The following TRPM2 variants were observed in gnomAD, a reference collection of about 807,000 sequenced individuals.
TRPM2 encodes the protein estrogen-responsive element-associated gene 1 protein.
A neutral mutation model predicts 174.0 loss-of-function variants in TRPM2; 161 were observed. That is an observed-to-expected ratio of 0.93 (90% CI 0.81 to 1.05). The LOEUF (loss-of-function observed/expected upper bound fraction) is 1.05, where lower values mean the gene tolerates loss of function less well. Ranked by LOEUF, TRPM2 falls within the 50% of genes least tolerant of loss-of-function variation. The pLI is 0.00. For synonymous variants in TRPM2, 954 were observed against 861.3 expected, an observed-to-expected ratio of 1.11 and a Z score of -1.88; for missense variants, 2,057 against 2,038.0, an observed-to-expected ratio of 1.01 and a Z score of -0.18.
At chr21:44,429,278 C>CTTTTTTTTTTTTTTTTTTTTTTTTTTTTT (rs35708355) in intron 27 of TRPM2, among the ~76,000 whole-genome samples, 4 of 44,196 alleles carry the variant, frequency 9.1e-5, no homozygotes, top group Admixed American at 3.1e-4. Flanking sequence ...TTTTCTTTTT[C>CTTTTTTTTTTTTTTTTTTTTTTTTTTTTT]TTTTTTTTTT....
chr21:44,433,426 C>T (rs1054535297), intron 27 of TRPM2, among the ~76,000 whole-genome samples: 1 of 152,266 alleles, frequency 6.6e-6, no homozygotes, highest in Non-Finnish European at 1.5e-5. Flanking sequence ...GAGCTCAGTG[C>T]AGCTCTGCCC....
intron 13 of TRPM2, among the ~76,000 whole-genome samples, chr21:44,398,990 T>C (rs1338131675): frequency 6.6e-6 from 1 of 152,168 alleles, no homozygotes; most frequent in African/African-American, 2.4e-5. Flanking sequence ...GTGTGGCCTA[T>C]GCCCAGGAAT....
rs1480847095 is a variant in TRPM2, at chr21:44,376,818, C to A, written c.952+805C>A. ...CGAACTCCCCTGGAGGGTTCCTCAC[C>A]AGCTTGTGGGCCCCAGCCCCAGGGT... On this transcript the variant is annotated intron_variant, in intron 6 of 31. Coordinates refer to ENST00000397928, the MANE Select transcript of TRPM2 (RefSeq NM_003307.4). This position sits in a 1 kb window ranked among gnomAD's most constrained non-coding sequence, Gnocchi z 4.2. Among the ~76,000 whole-genome samples the A allele has an allele frequency of 6.6e-6, 1 of 152,200 alleles. No homozygotes were observed. The highest frequency in any genetic ancestry group is 1.5e-5 in the Non-Finnish European group (1 of 68,038).
intron 17 of TRPM2, 144 bp downstream of exon 17, chr21:44,405,404 C>T (rs1255326635): frequency 2.3e-6 from 3 of 1,277,230 alleles, no homozygotes; most frequent in Non-Finnish European, 3.2e-6. Flanking sequence ...CAATGGGTGT[C>T]CAGGCAACAG....
chr21:44,365,531 T>A (rs1325238102), intron 3 of TRPM2, among the ~76,000 whole-genome samples: 1 of 152,148 alleles, frequency 6.6e-6, no homozygotes, highest in Non-Finnish European at 1.5e-5. Flanking sequence ...ACGGGGACAG[T>A]CCTGTTGTTG....
chr21:44,355,300 C>T (rs2048026696), intron 2 of TRPM2, among the ~76,000 whole-genome samples: 1 of 152,172 alleles, frequency 6.6e-6, no homozygotes, highest in South Asian at 2.1e-4. Flanking sequence ...TGGATATGGC[C>T]CTCCGGAGCC....
chr21:44,417,034 G>A (rs1402160407), intron 20 of TRPM2, among the ~76,000 whole-genome samples: 7 of 96,350 alleles, frequency 7.3e-5, no homozygotes, highest in East Asian at 3.5e-4. Flanking sequence ...CAGTGGGCAC[G>A]TGGGCATGGC....
intron 25 of TRPM2, 41 bp downstream of exon 25, chr21:44,425,868 C>T (rs762125423): frequency 2.0e-6 from 3 of 1,494,780 alleles, no homozygotes; most frequent in Admixed American, 2.1e-5. Flanking sequence ...AGTGGCCGGG[C>T]CCCTGGGGAG....
intron 19 of TRPM2, among the ~76,000 whole-genome samples, chr21:44,409,710 TTGGC>T (rs1166949708): frequency 2.6e-5 from 2 of 77,398 alleles, no homozygotes; most frequent in East Asian, 4.3e-4. Context: ...ACTGTCTTGG[TTGGC>T]GTAGACTTGT....
Position 44,353,708 on chromosome 21 carries a change from C to T in TRPM2, c.8C>T (p.Pro3Leu). 1 of 1,532,818 alleles carries T rather than the reference C, an allele frequency of 6.5e-7. No individual in the cohort carries two copies. The highest frequency in any genetic ancestry group is 8.7e-7 in the Non-Finnish European group (1 of 1,143,510). 95.0% of individuals were successfully genotyped at this position (1,532,818 alleles called of 1,614,324 possible). A position where few individuals can be genotyped will look rare whatever the true frequency, so the allele number is the denominator to read the frequency against. Reference sequence around the variant, plus strand: ...TGGCGTGGGGGTCTCAGAATGGAGCCCTCAGCCCTGAGGAAAGCTGGCTCG... The same window carrying T: ...TGGCGTGGGGGTCTCAGAATGGAGCTCTCAGCCCTGAGGAAAGCTGGCTCG... ME[P>L]SALRKAGSEQ... The change falls in exon 1 of 32, where the codon CCC (proline) becomes CTC (leucine). Residue 3 changes from proline (P) to leucine (L), a missense_variant. By Grantham distance (98) the Pro-to-Leu change is moderately conservative. Coordinates refer to ENST00000397928, the MANE Select transcript of TRPM2 (RefSeq NM_003307.4).
chr21:44,395,590 A>G (rs2049324143), intron 12 of TRPM2, 39 bp downstream of exon 12: 2 of 1,610,726 alleles, frequency 1.2e-6, no homozygotes, highest in Middle Eastern at 1.7e-4. Context: ...AGACACAGCT[A>G]TAGGCCAGCG....
Position 44,376,133 on chromosome 21 carries a change from G to A in TRPM2, c.952+120G>A, listed in dbSNP as rs903773965. 8.1e-7 allele frequency: 1 copy of A among 1,239,356 alleles called. No homozygotes were observed. Among genetic ancestry groups the A allele is most frequent in the African/African-American group, 1.5e-5 (1 of 66,286 alleles). The allele number at this position is 1,239,356 out of a possible 1,614,324, so 76.8% of individuals were successfully genotyped here. A position where few individuals can be genotyped will look rare whatever the true frequency, so the allele number is the denominator to read the frequency against. ...GGCCTGGCGTTTGGCAGAGAGTGCA[G>A]TGGGCTGGTCAGAGTGTCAGGTACA... On this transcript the variant is annotated intron_variant, in intron 6 of 31. Coordinates refer to ENST00000397928, the MANE Select transcript of TRPM2 (RefSeq NM_003307.4). This position sits in a 1 kb window ranked among gnomAD's most constrained non-coding sequence, Gnocchi z 4.2.
In TRPM2 at chr21:44,432,685, C is replaced by G. The variant is rs1246852735; in HGVS notation, c.3975-2446C>G. ...CCGCAAGTCCCTTCCTCTTTCGAATCCACTCCACTTGGGCTTTGCTTGCCC... is the reference window on the plus strand; with the variant it reads ...CCGCAAGTCCCTTCCTCTTTCGAATGCACTCCACTTGGGCTTTGCTTGCCC... On this transcript the variant is annotated intron_variant, in intron 27 of 31. Coordinates refer to ENST00000397928, the MANE Select transcript of TRPM2 (RefSeq NM_003307.4). This position sits in a 1 kb window ranked among gnomAD's most constrained non-coding sequence, Gnocchi z 4.9. Among the ~76,000 whole-genome samples, 1 of 152,144 alleles carries G rather than the reference C, an allele frequency of 6.6e-6. No homozygotes were observed. Among genetic ancestry groups the G allele is most frequent in the East Asian group, 1.9e-4 (1 of 5,176 alleles).
At chr21:44,418,334 C>T in intron 21 of TRPM2, 89 bp from the exon 22 acceptor site, 1 of 1,546,568 alleles carries the variant, frequency 6.5e-7, no homozygotes, top group Non-Finnish European at 8.8e-7. Context: ...GACTGGCCCC[C>T]TCCCACGGGG....
rs543313410 is a variant in TRPM2, at chr21:44,379,877, T to C, written c.1215+680T>C. Among the ~76,000 whole-genome samples, 7 of 152,268 alleles carry C rather than the reference T, an allele frequency of 4.6e-5. No individual in the cohort carries two copies. The South Asian group carries it at 1.0e-3, about 23-fold the overall frequency. Reference sequence around the variant, plus strand: ...AGGGGCTGGCACTGGGGCCTTTTCATCCTCAGTTTCCCAGCAAGCCAGGGC... The same window carrying C: ...AGGGGCTGGCACTGGGGCCTTTTCACCCTCAGTTTCCCAGCAAGCCAGGGC... On this transcript the variant is annotated intron_variant, in intron 8 of 31. Transcript: ENST00000397928.
intron 9 of TRPM2, among the ~76,000 whole-genome samples, chr21:44,390,143 T>C (rs1407108563): frequency 6.6e-6 from 1 of 152,210 alleles, no homozygotes; most frequent in African/African-American, 2.4e-5. Context: ...AAATGCGGGA[T>C]TACAGGTGTG....
In TRPM2 at chr21:44,406,711, G is replaced by C; in HGVS notation, c.2908G>C (p.Ala970Pro). The C allele has an allele frequency of 6.2e-7, 1 of 1,608,714 alleles. No homozygotes were observed. The highest frequency in any genetic ancestry group is 1.7e-5 in the Admixed American group (1 of 59,358). The change falls in exon 19 of 32, where the codon GCC (alanine) becomes CCC (proline). Residue 970 changes from alanine (A) to proline (P), a missense_variant. Ala to Pro is a conservative substitution (Grantham distance 27). Coordinates refer to ENST00000397928, the MANE Select transcript of TRPM2 (RefSeq NM_003307.4). ...ERRVDWLFRG[A>P]VYHSYLTIFG... ...CCGGGTGGACTGGCTGTTCCGAGGGGCCGTCTACCACTCCTACCTCACCAT... is the reference window on the plus strand; with the variant it reads ...CCGGGTGGACTGGCTGTTCCGAGGGCCCGTCTACCACTCCTACCTCACCAT...
chr21:44,397,492 G>A (rs994742030), intron 12 of TRPM2, among the ~76,000 whole-genome samples: 4 of 152,202 alleles, frequency 2.6e-5, no homozygotes, highest in African/African-American at 4.8e-5. Flanking sequence ...TGCTGGGCCC[G>A]TGCTGTCCGT....
rs779204827 is a variant in TRPM2 at position 44,418,559 on chromosome 21, T to A, written c.3461+4T>A. On this transcript the variant is annotated splice_donor_region_variant and intron_variant, in intron 22 of 31. Transcript: ENST00000397928. ...AGATCGAGGACATCAGCAATAAGTATGGGGGCTCCGGTGGGCCTGGGGGCG... is the reference window on the plus strand; with the variant it reads ...AGATCGAGGACATCAGCAATAAGTAAGGGGGCTCCGGTGGGCCTGGGGGCG... 1.1e-5 allele frequency: 17 copies of A among 1,613,572 alleles called. No homozygotes were observed. Among genetic ancestry groups the A allele is most frequent in the Non-Finnish European group, 1.4e-5 (16 of 1,179,848 alleles).
Sources: allele counts gnomAD v4.1 joint callset (sites outside exome capture counted in the v4.1 genomes callset), GRCh38; gene constraint gnomAD v4.1.1; non-coding constraint Gnocchi (gnomAD v3.1); transcripts MANE v1.5; gene names NCBI Gene and HGNC (gene_info 2026-07-23, HGNC 2026-07-21).